Variants in ADAM22 observed in about 807,000 individuals in gnomAD.
The protein encoded by ADAM22 is disintegrin and metalloproteinase domain-containing protein 22.
ADAM22 carries 65 observed loss-of-function variants against 144.6 expected under a neutral mutation model. That is an observed-to-expected ratio of 0.45 (90% CI 0.37 to 0.55). The LOEUF is 0.55. Among genes scored for constraint, ADAM22 ranks in the 20% least tolerant of loss-of-function variants. The pLI is 0.00. For synonymous variants in ADAM22, 391 were observed against 412.6 expected (o/e 0.95, Z 0.63); for missense variants, 974 against 1,184.9 (o/e 0.82, Z 2.61).
At chr7:88,033,804 A>T (rs1397112726) in intron 3 of ADAM22, among the ~76,000 whole-genome samples, 1 of 152,092 alleles carries the variant, frequency 6.6e-6, no homozygotes, top group East Asian at 1.9e-4. Flanking sequence ...CAGGCAGAGG[A>T]TTCTCTCCCT....
At chr7:88,135,407 C>G in intron 13 of ADAM22, among the ~76,000 whole-genome samples, 1 of 151,848 alleles carries the variant, frequency 6.6e-6, no homozygotes, top group East Asian at 1.9e-4. Context: ...CTACAGGACA[C>G]CCATTTTTAG....
intron 10 of ADAM22, among the ~76,000 whole-genome samples, 184 bp from the exon 11 acceptor site, chr7:88,131,085 C>A (rs566436838): frequency 1.6e-3 from 250 of 152,168 alleles, no homozygotes; most frequent in Non-Finnish European, 3.0e-3. Flanking sequence ...GTGCTCTGTT[C>A]TTTGGGTATT....
chr7:88,163,038 A>G lies in ADAM22; in HGVS notation c.1934A>G (p.Asp645Gly), dbSNP rs189398829. The change falls in exon 23 of 32, where the codon GAT becomes GGT. Residue 645 changes from aspartate (D) to glycine (G), a missense_variant. By Grantham distance (94) the Asp-to-Gly change is moderately conservative (BLOSUM62 -1). Coordinates refer to ENST00000413139, the MANE Select transcript of ADAM22 (RefSeq NM_001324418.2). ...GGTGGGCATGTTAAGCTTGAAGAAG[A>G]TGTAGATCTTGGCTATGTGGAAGAT... Reference protein sequence around the residue: ...CSGGHVKLEEDVDLGYVEDGT... With the variant: ...CSGGHVKLEEGVDLGYVEDGT... 2 of 1,608,916 alleles carry G rather than the reference A, an allele frequency of 1.2e-6. 1 individual carries two copies. Among genetic ancestry groups the G allele is most frequent in the South Asian group, 2.2e-5 (2 of 90,250 alleles).
chr7:88,146,237 A>G (rs184130593), intron 17 of ADAM22, among the ~76,000 whole-genome samples: 3 of 152,330 alleles, frequency 2.0e-5, no homozygotes, highest in Admixed American at 2.0e-4. Flanking sequence ...AGAGCCAGGC[A>G]CTTAGACAGT....
chr7:88,150,727 A>G (rs1026132062), intron 18 of ADAM22, among the ~76,000 whole-genome samples: 1 of 152,078 alleles, frequency 6.6e-6, no homozygotes, highest in Non-Finnish European at 1.5e-5. Context: ...TGGTAGATTC[A>G]TATTTTCAGG....
In ADAM22 at chr7:88,116,151, C is replaced by T. The variant is rs182802705; in HGVS notation, c.538-594C>T. Reference sequence around the variant, plus strand: ...TGATTTTTTTAAGATAATATGAAACCGGACTATGACATTCTAATTTTTTTT... The same window carrying T: ...TGATTTTTTTAAGATAATATGAAACTGGACTATGACATTCTAATTTTTTTT... On this transcript the variant is annotated intron_variant, in intron 6 of 31. Transcript: ENST00000413139. Among the ~76,000 whole-genome samples the T allele has an allele frequency of 8.5e-5, 13 of 152,116 alleles. No individual in the cohort carries two copies. The East Asian group carries it at 1.9e-3, about 23-fold the overall frequency.
rs1161075020 is a variant in ADAM22, at chr7:88,148,961, T to C, written c.1486-16T>C. The C allele has an allele frequency of 1.2e-6, 2 of 1,601,510 alleles. No homozygotes were observed. Among genetic ancestry groups the C allele is most frequent in the South Asian group, 2.2e-5 (2 of 89,156 alleles). ...TTCTCCCTACAGTTTCACACGTTGA[T>C]TTTTGTTCATTTTAGTTTCAGCCTA... On this transcript the variant is annotated splice_polypyrimidine_tract_variant and intron_variant, in intron 17 of 31. Coordinates refer to ENST00000413139, the MANE Select transcript of ADAM22 (RefSeq NM_001324418.2).
At chr7:87,963,668 A>G (rs1848464855) in intron 2 of ADAM22, among the ~76,000 whole-genome samples, 1 of 152,188 alleles carries the variant, frequency 6.6e-6, no homozygotes, top group Non-Finnish European at 1.5e-5. Context: ...ACATGAAGAA[A>G]ACAGTATCTG....
At chr7:87,985,997 G>A (rs1033452243) in intron 3 of ADAM22, among the ~76,000 whole-genome samples, 2 of 151,966 alleles carry the variant, frequency 1.3e-5, no homozygotes, top group African/African-American at 4.8e-5. Context: ...AAGGCTTCAG[G>A]TTTTCAGTTT....
intron 2 of ADAM22, among the ~76,000 whole-genome samples, chr7:87,974,875 G>T (rs1851525955): frequency 6.6e-6 from 1 of 152,072 alleles, no homozygotes; most frequent in Non-Finnish European, 1.5e-5. Flanking sequence ...CTTGGTTCCT[G>T]CCCTCTTCCT....
At chr7:87,953,118 GT>G (rs970330405) in intron 2 of ADAM22, among the ~76,000 whole-genome samples, 67 of 146,724 alleles carry the variant, frequency 4.6e-4, no homozygotes, top group East Asian at 2.8e-3. Context: ...TTTTTGAAGG[GT>G]TTTTTTTTTG....
intron 3 of ADAM22, among the ~76,000 whole-genome samples, chr7:88,061,839 CTTTTT>C (rs60313970): frequency 6.6e-4 from 74 of 112,002 alleles, no homozygotes; most frequent in African/African-American, 2.4e-3. Context: ...CTCTCTCTCT[CTTTTT>C]TTTTTTTTTT....
rs1385823022 is a variant in ADAM22 at position 88,075,451 on chromosome 7, GGTGTGTGTGTGTCT to G, written c.324-162_324-149del. On this transcript the variant is annotated intron_variant, in intron 3 of 31. Coordinates refer to ENST00000413139, the MANE Select transcript of ADAM22 (RefSeq NM_001324418.2). ...ACCTCATGTCCTTTTAGAAATACTG[GGTGTGTGTGTGTCT>G]GTGTGTGTGTGTGAGTGTGAGAGAG... Among the ~76,000 whole-genome samples, 3 of 145,162 alleles carry G rather than the reference GGTGTGTGTGTGTCT, an allele frequency of 2.1e-5. No homozygotes were observed. The Admixed American group carries it at 2.2e-4, about 10-fold the overall frequency.
intron 3 of ADAM22, among the ~76,000 whole-genome samples, chr7:88,028,109 C>T (rs1799440574): frequency 6.6e-6 from 1 of 152,134 alleles, no homozygotes; most frequent in Non-Finnish European, 1.5e-5. Context: ...TTGATGTAAG[C>T]AGTTATAGCT....
At chr7:88,014,826 A>G (rs999501069) in intron 3 of ADAM22, among the ~76,000 whole-genome samples, 2 of 152,180 alleles carry the variant, frequency 1.3e-5, no homozygotes, top group Non-Finnish European at 2.9e-5. Context: ...GTGATTCCCA[A>G]ATGCTGATCC....
At chr7:88,106,339 C>G (rs923169992) in intron 4 of ADAM22, among the ~76,000 whole-genome samples, 2 of 152,180 alleles carry the variant, frequency 1.3e-5, no homozygotes, top group South Asian at 4.1e-4. Flanking sequence ...CTCTCCACCC[C>G]CTCCCCAAAG....
chr7:88,135,538 C>A (rs115962646), intron 13 of ADAM22, among the ~76,000 whole-genome samples: 1,887 of 152,136 alleles, frequency 0.012, 43 homozygotes, highest in African/African-American at 0.043. Flanking sequence ...ACCCTTCTGC[C>A]TAACCAATAA....
intron 3 of ADAM22, among the ~76,000 whole-genome samples, chr7:88,011,811 A>G (rs1409451941): frequency 6.7e-6 from 1 of 148,840 alleles, no homozygotes; most frequent in Non-Finnish European, 1.5e-5. Context: ...AGTTTGAATG[A>G]TACACCTAGG....
chr7:88,096,503 T>C (rs1016244434), intron 4 of ADAM22, among the ~76,000 whole-genome samples: 1 of 151,142 alleles, frequency 6.6e-6, no homozygotes, highest in African/African-American at 2.4e-5. Flanking sequence ...CACACACACA[T>C]ATATATATAT....
Sources: gnomAD v4.1 joint callset for allele counts (sites outside exome capture counted in the v4.1 genomes callset) on GRCh38, gnomAD v4.1.1 for gene constraint, MANE v1.5 for transcripts, NCBI Gene and HGNC (gene_info 2026-07-23, HGNC 2026-07-21) for gene names.